GRTP1: variants seen among roughly 807,000 people sequenced by gnomAD.
GRTP1 encodes growth hormone-regulated TBC protein 1.
A neutral mutation model predicts 38.1 loss-of-function variants in GRTP1; 56 were observed. That is an observed-to-expected ratio of 1.47 (90% CI 1.19 to 1.84). The LOEUF (loss-of-function observed/expected upper bound fraction) is 1.84. Among genes scored for constraint, GRTP1 ranks in the 40% most tolerant of loss-of-function variants. The probability of loss-of-function intolerance (pLI) is 0.00; values close to 1 mark genes in which losing one functional copy is unlikely to be tolerated. For missense variants in GRTP1, 506 were observed against 453.9 expected, an observed-to-expected ratio of 1.11 and a Z score of -1.04; for synonymous variants, 217 against 189.5, an observed-to-expected ratio of 1.14 and a Z score of -1.19.
At chr13:113,332,198 T>C (rs550138354) in intron 5 of GRTP1, among the ~76,000 whole-genome samples, 138 of 151,226 alleles carry the variant, frequency 9.1e-4, no homozygotes, top group African/African-American at 3.3e-3. Context: ...TCAGCACATT[T>C]GCTCCCCCGT....
At chr13:113,327,030 A>G (rs1352107033) in intron 5 of GRTP1, among the ~76,000 whole-genome samples, 2 of 152,224 alleles carry the variant, frequency 1.3e-5, no homozygotes, top group African/African-American at 2.4e-5. Flanking sequence ...GGTACATTCT[A>G]TGTTCTGTGT....
chr13:113,333,865 G>GTC (rs2042914874), intron 5 of GRTP1, among the ~76,000 whole-genome samples: 1 of 140,430 alleles, frequency 7.1e-6, no homozygotes, highest in Admixed American at 7.4e-5. Context: ...GTGTGTGTGT[G>GTC]TGTGTGTGTC....
rs369750442 is a variant in GRTP1 at position 113,343,226 on chromosome 13, C to T, written c.562+1637G>A. Among the ~76,000 whole-genome samples, 4 of 152,182 alleles carry T rather than the reference C, an allele frequency of 2.6e-5. No homozygotes were observed. Among genetic ancestry groups the T allele is most frequent in the African/African-American group, 9.7e-5 (4 of 41,440 alleles). ...AATCCCACATTTGGATGTCTCCTAA[C>T]TCCATCTGCCTCTAATTTCACCATT... On this transcript the variant is annotated intron_variant, in intron 5 of 7. Transcript: ENST00000375431. The surrounding 1 kb of genome is among the most constrained non-coding windows in gnomAD (Gnocchi z 4.8).
chr13:113,363,828 G>C lies in GRTP1; in HGVS notation c.115C>G (p.Leu39Val). 6.2e-7 allele frequency: 1 copy of C among 1,612,006 alleles called. No individual in the cohort carries two copies. The highest frequency in any genetic ancestry group is 8.5e-7 in the Non-Finnish European group (1 of 1,179,582). ...GACCATTTGATCGCCCTGCGGGTGAGCGTGACCAGGTAGCTGGAGAAAAAC... is the reference window on the plus strand; with the variant it reads ...GACCATTTGATCGCCCTGCGGGTGACCGTGACCAGGTAGCTGGAGAAAAAC... ...EKFFSSYLVT[L>V]TRRAIKWSRL... is the part of the protein sequence containing the mutation. The change falls in exon 2 of 8, where the codon CTC becomes GTC. Residue 39 changes from leucine to valine, a missense_variant. Leu to Val is a conservative substitution (Grantham distance 32, BLOSUM62 1). Coordinates refer to ENST00000375431, the MANE Select transcript of GRTP1 (RefSeq NM_024719.4).
chr13:113,363,786 C>T lies in GRTP1; in HGVS notation c.157G>A (p.Gly53Arg). The change falls in exon 2 of 8, where the codon GGG becomes AGG. Residue 53 changes from glycine to arginine, a missense_variant. Gly to Arg is a moderately radical substitution (Grantham distance 125, BLOSUM62 -2). Coordinates refer to ENST00000375431, the MANE Select transcript of GRTP1 (RefSeq NM_024719.4). ...CCTGTCCGGCTCCTGGGGACGCCCC[C>T]GCCCTGCAGCAGCCGGGACCATTTG... ...AIKWSRLLQG[G>R]GVPRSRTVKR... 1 of 1,610,822 alleles carries T rather than the reference C, an allele frequency of 6.2e-7. No individual in the cohort carries two copies. The highest frequency in any genetic ancestry group is 8.5e-7 in the Non-Finnish European group (1 of 1,179,178).
In GRTP1 at chr13:113,350,753, T is replaced by G. The variant is rs771108493; in HGVS notation, c.465+96A>C. The G allele has an allele frequency of 1.8e-5, 22 of 1,192,888 alleles. No individual in the cohort carries two copies. The African/African-American group carries it at 3.4e-4, about 19-fold the overall frequency. 73.9% of individuals were successfully genotyped at this position (1,192,888 alleles called of 1,614,324 possible). On this transcript the variant is annotated intron_variant, in intron 4 of 7. Transcript: ENST00000375431. Reference sequence around the variant, plus strand: ...CAGGACGTGGAATTCATGAACAGGGTTGACAGAGACGTGAGGCCGTCACTG... The same window carrying G: ...CAGGACGTGGAATTCATGAACAGGGGTGACAGAGACGTGAGGCCGTCACTG...
chr13:113,350,731 G>T, intron 4 of GRTP1, 118 bp downstream of exon 4: 1 of 985,128 alleles, frequency 1.0e-6, no homozygotes, highest in Non-Finnish European at 1.5e-6. Context: ...GGGGCATCAG[G>T]ACGTGGAATT....
At position 113,348,673 on chromosome 13, in the gene GRTP1, C is replaced by T. The variant is rs991134090; in HGVS notation, c.465+2176G>A. Among the ~76,000 whole-genome samples the T allele has an allele frequency of 2.6e-5, 4 of 152,108 alleles. No individual in the cohort carries two copies. The highest frequency in any genetic ancestry group is 1.3e-4 in the Admixed American group (2 of 15,276). On this transcript the variant is annotated intron_variant, in intron 4 of 7. Transcript: ENST00000375431. This position sits in a 1 kb window ranked among gnomAD's most constrained non-coding sequence, Gnocchi z 4.8. ...TTAGACACAGGCATGCACAGGAGAACGCACATGGAGATGGAGGCAGAGATT... is the reference window on the plus strand; with the variant it reads ...TTAGACACAGGCATGCACAGGAGAATGCACATGGAGATGGAGGCAGAGATT...
intron 7 of GRTP1, chr13:113,325,451 A>C: frequency 6.9e-7 from 1 of 1,446,248 alleles, no homozygotes; most frequent in Non-Finnish European, 9.0e-7. Context: ...CCGCAGTGCC[A>C]GGGCCAAGAA....
chr13:113,324,837 T>G, intron 7 of GRTP1: 1 of 1,185,126 alleles, frequency 8.4e-7, no homozygotes, highest in Non-Finnish European at 1.0e-6. Flanking sequence ...GACTTTTTTT[T>G]TTTTTTTGAG....
intron 2 of GRTP1, 117 bp downstream of exon 2, chr13:113,363,645 G>C: frequency 9.2e-7 from 1 of 1,091,644 alleles, no homozygotes; most frequent in Non-Finnish European, 1.3e-6. Flanking sequence ...GCTTCGTCCC[G>C]ACCTGCCCGG....
intron 5 of GRTP1, among the ~76,000 whole-genome samples, chr13:113,332,573 C>T (rs1467987140): frequency 2.0e-5 from 3 of 152,254 alleles, no homozygotes; most frequent in African/African-American, 7.2e-5. Flanking sequence ...TAGTCAACAC[C>T]GACACCACCT....
chr13:113,355,299 A>G, intron 3 of GRTP1, 24 bp downstream of exon 3: 2 of 1,610,904 alleles, frequency 1.2e-6, no homozygotes, highest in Non-Finnish European at 1.7e-6. Flanking sequence ...GCCCTGCACC[A>G]GAGCTCGACC....
intron 5 of GRTP1, among the ~76,000 whole-genome samples, chr13:113,335,669 T>C (rs907146215): frequency 1.3e-5 from 2 of 152,116 alleles, no homozygotes; most frequent in Admixed American, 1.3e-4. Context: ...TCTGCCTCCA[T>C]GAGTTTCATT....
intron 5 of GRTP1, among the ~76,000 whole-genome samples, chr13:113,334,661 G>A (rs2042929545): frequency 1.3e-5 from 2 of 152,172 alleles, no homozygotes; most frequent in Admixed American, 1.3e-4. Context: ...TTCTAACTGG[G>A]GTGGGCAGAG....
chr13:113,326,728 G>T (rs1388404781), intron 5 of GRTP1, among the ~76,000 whole-genome samples: 2 of 152,136 alleles, frequency 1.3e-5, no homozygotes, highest in Admixed American at 6.6e-5. Context: ...GGAGGTGCAG[G>T]CACCCCCGTG....
rs1312759744 is a variant in GRTP1, at chr13:113,342,784, C to T, written c.562+2079G>A. On this transcript the variant is annotated intron_variant, in intron 5 of 7. Transcript: ENST00000375431. The surrounding 1 kb of genome is among the most constrained non-coding windows in gnomAD (Gnocchi z 4.5). The stretch of plus-strand genomic sequence containing the variant: ...GGATCGGAATAACCCCCTTTTCCTC[C>T]CATGATCCTAACAGTTTAGTTTTTG... Among the ~76,000 whole-genome samples, 3 of 152,190 alleles carry T rather than the reference C, an allele frequency of 2.0e-5. No homozygotes were observed. The highest frequency in any genetic ancestry group is 2.9e-5 in the Non-Finnish European group (2 of 68,026).
intron 3 of GRTP1, among the ~76,000 whole-genome samples, chr13:113,351,502 G>A (rs139601908): frequency 1.3e-5 from 2 of 152,354 alleles, no homozygotes; most frequent in Non-Finnish European, 2.9e-5. Context: ...ACCTCGAGTT[G>A]TCAGCTTGTG....
intron 4 of GRTP1, among the ~76,000 whole-genome samples, chr13:113,346,256 G>GAAC (rs2043127639): frequency 8.6e-6 from 1 of 115,804 alleles, no homozygotes; most frequent in African/African-American, 3.8e-5. Context: ...CTGTGGCCGA[G>GAAC]AGCAGATCCG....
Sources: gnomAD v4.1 joint callset for allele counts (sites outside exome capture counted in the v4.1 genomes callset) on GRCh38, gnomAD v4.1.1 for gene constraint, Gnocchi (gnomAD v3.1) non-coding constraint, MANE v1.5 for transcripts, NCBI Gene and HGNC (gene_info 2026-07-23, HGNC 2026-07-21) for gene names.